SNTG1: variants seen among roughly 807,000 people sequenced by gnomAD.
The protein encoded by SNTG1 is gamma-1-syntrophin.
SNTG1 carries 39 observed loss-of-function variants against 74.7 expected under a neutral mutation model. That is an observed-to-expected ratio of 0.52 (90% CI 0.40 to 0.68). The LOEUF (loss-of-function observed/expected upper bound fraction) is 0.68, where lower values mean the gene tolerates loss of function less well. Ranked by LOEUF, SNTG1 falls within the 30% of genes least tolerant of loss-of-function variation. The pLI is 0.00. For synonymous variants in SNTG1, 254 were observed against 217.1 expected, an observed-to-expected ratio of 1.17 and a Z score of -1.49; for missense variants, 685 against 609.5, an observed-to-expected ratio of 1.12 and a Z score of -1.30.
At chr8:50,597,370 T>TATATACAC (rs1563627827) in intron 13 of SNTG1, among the ~76,000 whole-genome samples, 311 of 137,858 alleles carry the variant, frequency 2.3e-3, no homozygotes, top group Middle Eastern at 8.5e-3. Flanking sequence ...CACATATACA[T>TATATACAC]GTATATATAC....
chr8:50,146,665 A>T (rs1314061418), intron 1 of SNTG1, among the ~76,000 whole-genome samples: 1 of 152,182 alleles, frequency 6.6e-6, no homozygotes, highest in Admixed American at 6.5e-5. Flanking sequence ...ACCAATTGTC[A>T]ATGTGTGAGG....
intron 1 of SNTG1, among the ~76,000 whole-genome samples, chr8:49,953,611 A>G (rs1196586766): frequency 6.6e-6 from 1 of 152,216 alleles, no homozygotes; most frequent in Non-Finnish European, 1.5e-5. Flanking sequence ...GATGATATGT[A>G]AATGCAAAGG....
intron 1 of SNTG1, among the ~76,000 whole-genome samples, chr8:50,163,208 A>G (rs939363548): frequency 1.3e-5 from 2 of 152,110 alleles, no homozygotes; most frequent in Non-Finnish European, 2.9e-5. Flanking sequence ...CAGTTATTCC[A>G]CCGCCCTTTA....
chr8:50,667,597 A>G (rs1250821933), intron 15 of SNTG1, among the ~76,000 whole-genome samples: 1 of 151,972 alleles, frequency 6.6e-6, no homozygotes, highest in African/African-American at 2.4e-5. Context: ...ACCTTATCTA[A>G]TTCTAATTGG....
At chr8:49,939,354 A>C (rs941371493) in intron 1 of SNTG1, among the ~76,000 whole-genome samples, 5 of 152,214 alleles carry the variant, frequency 3.3e-5, no homozygotes, top group African/African-American at 9.6e-5. Flanking sequence ...GTCTATTTAT[A>C]GTCAGTTGCC....
intron 9 of SNTG1, 137 bp from the exon 10 acceptor site, chr8:50,530,040 A>G: frequency 1.4e-6 from 1 of 724,490 alleles, no homozygotes; most frequent in Non-Finnish European, 2.3e-6. Context: ...TGGCTTTAGT[A>G]TAACTGAGAT....
At chr8:50,065,029 A>G (rs1820789758) in intron 1 of SNTG1, among the ~76,000 whole-genome samples, 2 of 152,222 alleles carry the variant, frequency 1.3e-5, no homozygotes. Context: ...CAGTAAATGT[A>G]GAAGAAAAAA....
intron 1 of SNTG1, among the ~76,000 whole-genome samples, chr8:50,078,955 T>C (rs1822150194): frequency 1.3e-5 from 2 of 152,218 alleles, no homozygotes; most frequent in Non-Finnish European, 2.9e-5. Flanking sequence ...ATCCCATCTA[T>C]CATTGATGAG....
intron 2 of SNTG1, among the ~76,000 whole-genome samples, chr8:50,358,555 G>A (rs1442621827): frequency 6.6e-6 from 1 of 152,172 alleles, no homozygotes; most frequent in Non-Finnish European, 1.5e-5. Flanking sequence ...CAATGGTTTA[G>A]ACCTTGAACA....
rs191583353 is a variant in SNTG1, at chr8:50,427,248, T to C, written c.163-11295T>C. Among the ~76,000 whole-genome samples, 23 of 152,260 alleles carry C rather than the reference T, an allele frequency of 1.5e-4. No homozygotes were observed. The East Asian group carries it at 3.5e-3, about 23-fold the overall frequency. On this transcript the variant is annotated intron_variant, in intron 4 of 18. Coordinates refer to ENST00000642720, the MANE Select transcript of SNTG1 (RefSeq NM_018967.5). ...AAAAGTTACAGTCAAAAATATTATT[T>C]AACAACAATCTAAAATTACAAGCCA...
chr8:50,310,335 C>T (rs545162168), intron 2 of SNTG1, among the ~76,000 whole-genome samples: 23 of 152,246 alleles, frequency 1.5e-4, no homozygotes, highest in African/African-American at 5.3e-4. Context: ...AGAAATGCAT[C>T]CTGAATGCAG....
At chr8:50,341,112 T>G (rs1404373220) in intron 2 of SNTG1, among the ~76,000 whole-genome samples, 2 of 151,974 alleles carry the variant, frequency 1.3e-5, no homozygotes, top group Non-Finnish European at 1.5e-5. Flanking sequence ...CATAGTAGTT[T>G]GGCCAACTGT....
chr8:50,670,426 G>T (rs1240955811), intron 15 of SNTG1, among the ~76,000 whole-genome samples: 6 of 151,572 alleles, frequency 4.0e-5, no homozygotes, highest in South Asian at 2.1e-4. Context: ...AAATCTTGAG[G>T]GAACTCCCAT....
At chr8:50,326,925 T>A (rs118141576) in intron 2 of SNTG1, among the ~76,000 whole-genome samples, 1,801 of 152,226 alleles carry the variant, frequency 0.012, 26 homozygotes, top group Middle Eastern at 0.034. Flanking sequence ...ATTTTTAATA[T>A]CTTTTGATCT....
chr8:50,687,808 G>A (rs1248069594), intron 15 of SNTG1, among the ~76,000 whole-genome samples: 1 of 152,072 alleles, frequency 6.6e-6, no homozygotes, highest in Admixed American at 6.5e-5. Context: ...ACCCGGGAGT[G>A]AGAACATACA....
intron 17 of SNTG1, among the ~76,000 whole-genome samples, chr8:50,712,731 A>T (rs1441364877): frequency 6.6e-6 from 1 of 150,560 alleles, no homozygotes; most frequent in Non-Finnish European, 1.5e-5. Flanking sequence ...TTCAACTCCC[A>T]CTTATGAGCA....
At chr8:50,073,077 T>C (rs143721282) in intron 1 of SNTG1, among the ~76,000 whole-genome samples, 1 of 152,290 alleles carries the variant, frequency 6.6e-6, no homozygotes, top group East Asian at 1.9e-4. Flanking sequence ...TGAAGCTTGC[T>C]GCATCAGTTG....
intron 17 of SNTG1, among the ~76,000 whole-genome samples, chr8:50,715,432 G>C (rs867299960): frequency 6.6e-6 from 1 of 151,986 alleles, no homozygotes; most frequent in Admixed American, 6.6e-5. Context: ...ACTTATAAAG[G>C]CTTCTTTACT....
intron 2 of SNTG1, among the ~76,000 whole-genome samples, chr8:50,350,179 G>A (rs577627921): frequency 7.0e-4 from 107 of 152,236 alleles, no homozygotes; most frequent in African/African-American, 2.4e-3. Flanking sequence ...CCTGCAGCCC[G>A]CCATGCCTGA....
Sources: gnomAD v4.1 joint callset for allele counts (sites outside exome capture counted in the v4.1 genomes callset) on GRCh38, gnomAD v4.1.1 for gene constraint, MANE v1.5 for transcripts, NCBI Gene and HGNC (gene_info 2026-07-23, HGNC 2026-07-21) for gene names.